Variants in ZNF280D observed in about 807,000 individuals in gnomAD.
ZNF280D encodes zinc finger protein 280D, also known as suppressor of hairy wing homolog 4.
ZNF280D carries 39 observed loss-of-function variants against 94.7 expected under a neutral mutation model. That is an observed-to-expected ratio of 0.41 (90% CI 0.32 to 0.54). The LOEUF (loss-of-function observed/expected upper bound fraction) is 0.54. Among genes scored for constraint, ZNF280D ranks in the 20% least tolerant of loss-of-function variants. The pLI is 0.22. For missense variants in ZNF280D, 1,090 were observed against 1,149.3 expected, an observed-to-expected ratio of 0.95 and a Z score of 0.75; for synonymous variants, 398 against 377.6, an observed-to-expected ratio of 1.05 and a Z score of -0.63.
intron 17 of ZNF280D, among the ~76,000 whole-genome samples, chr15:56,657,222 C>G (rs2053607345): frequency 6.6e-6 from 1 of 151,902 alleles, no homozygotes; most frequent in Non-Finnish European, 1.5e-5. Context: ...TGTGGTATAA[C>G]CAAAGATAAC....
intron 16 of ZNF280D, among the ~76,000 whole-genome samples, chr15:56,663,584 T>C (rs542847817): frequency 1.3e-5 from 2 of 152,116 alleles, no homozygotes; most frequent in South Asian, 4.2e-4. Flanking sequence ...ACCACTGAGG[T>C]TGAGAAAAAG....
intron 20 of ZNF280D, among the ~76,000 whole-genome samples, chr15:56,639,405 T>G (rs1240822226): frequency 6.6e-6 from 1 of 150,814 alleles, no homozygotes. Flanking sequence ...ACCACAGAAA[T>G]GAAACAAGAA....
intron 6 of ZNF280D, chr15:56,700,647 T>C (rs2057007225): frequency 7.3e-7 from 1 of 1,366,358 alleles, no homozygotes; most frequent in Admixed American, 3.4e-5. Context: ...TTATGCAATA[T>C]TTATGGCTGA....
rs1440690933 is a variant in ZNF280D at position 56,715,846 on chromosome 15, CCA to C, written c.-85-8542_-85-8541del. Among the ~76,000 whole-genome samples the C allele has an allele frequency of 2.6e-5, 4 of 152,182 alleles. No individual in the cohort carries two copies. In the East Asian group the frequency reaches 5.8e-4, roughly 22 times the overall value. ...GCCCTCCCTATCCGTGGTTCCACAA[CCA>C]CAGATTCAACCAACCATGGACTGAA... On this transcript the variant is annotated intron_variant, in intron 1 of 21. Transcript: ENST00000267807.
intron 1 of ZNF280D, among the ~76,000 whole-genome samples, chr15:56,713,944 C>T (rs1015434458): frequency 6.6e-6 from 1 of 151,590 alleles, no homozygotes. Context: ...AAATCATAAG[C>T]GATAAACAAT....
chr15:56,722,467 T>C (rs1376933855), intron 1 of ZNF280D, among the ~76,000 whole-genome samples: 2 of 152,212 alleles, frequency 1.3e-5, no homozygotes, highest in East Asian at 1.9e-4. Flanking sequence ...TGAAAAATTA[T>C]GTCTACAGCA....
intron 19 of ZNF280D, chr15:56,653,255 T>TC (rs1185872458): frequency 2.6e-6 from 3 of 1,167,314 alleles, no homozygotes; most frequent in Non-Finnish European, 3.2e-6. Flanking sequence ...TGACTAAACT[T>TC]CAACTTGGAT....
intron 16 of ZNF280D, among the ~76,000 whole-genome samples, chr15:56,660,187 T>C (rs1375697944): frequency 6.6e-6 from 1 of 152,138 alleles, no homozygotes; most frequent in African/African-American, 2.4e-5. Flanking sequence ...CTCAGAGAAA[T>C]AAGTCCAAGA....
chr15:56,699,617 G>C, intron 6 of ZNF280D: 4 of 866,912 alleles, frequency 4.6e-6, no homozygotes, highest in Non-Finnish European at 5.5e-6. Flanking sequence ...TTTCTTTTCT[G>C]GAGTGATATT....
At chr15:56,683,825 G>C (rs1394089596) in intron 9 of ZNF280D, among the ~76,000 whole-genome samples, 1 of 152,006 alleles carries the variant, frequency 6.6e-6, no homozygotes, top group Non-Finnish European at 1.5e-5. Flanking sequence ...TGAAACTAAG[G>C]GTCAGATAAA....
intron 6 of ZNF280D, among the ~76,000 whole-genome samples, chr15:56,693,734 A>G (rs1212255283): frequency 6.6e-6 from 1 of 152,190 alleles, no homozygotes; most frequent in Non-Finnish European, 1.5e-5. Flanking sequence ...CACATCTGAG[A>G]TATCAGGGCA....
intron 9 of ZNF280D, among the ~76,000 whole-genome samples, chr15:56,687,610 ATGTGAC>A (rs2056115884): frequency 6.6e-6 from 1 of 152,214 alleles, no homozygotes; most frequent in Non-Finnish European, 1.5e-5. Flanking sequence ...ATTTTGAATC[ATGTGAC>A]TGTATTGCTA....
In ZNF280D at chr15:56,689,096, C is replaced by T; in HGVS notation, c.725G>A (p.Cys242Tyr). The T allele has an allele frequency of 1.2e-6, 2 of 1,611,060 alleles. No homozygotes were observed. Among genetic ancestry groups the T allele is most frequent in the Non-Finnish European group, 1.7e-6 (2 of 1,178,844 alleles). Residue 242 changes from cysteine (C) to tyrosine (Y), a missense_variant, in exon 9 of 22, where the codon TGT becomes TAT. Coordinates refer to ENST00000267807, the MANE Select transcript of ZNF280D (RefSeq NM_017661.4). ...ATTGAAATGAATGTTGCACTTTGGA[C>T]AAGCTCTTGGAAAAGGTGTTCCATT... ...SKNGTPFPRA[C>Y]PKCNIHFNLL...
rs1271194176 is a variant in ZNF280D at position 56,668,966 on chromosome 15, A to G, written c.1411-9T>C. On this transcript the variant is annotated splice_polypyrimidine_tract_variant and intron_variant, in intron 13 of 21. Transcript: ENST00000267807. ...CGATGTATTCCTTTTTTCTGTTTAG[A>G]AAAAAACAGAAAAAGGGGGAAAAAT... The G allele has an allele frequency of 2.5e-6, 4 of 1,596,762 alleles. No homozygotes were observed. The African/African-American group carries it at 5.4e-5, about 22-fold the overall frequency.
chr15:56,661,684 G>A (rs553415183), intron 16 of ZNF280D, among the ~76,000 whole-genome samples: 31 of 151,816 alleles, frequency 2.0e-4, no homozygotes, highest in South Asian at 1.0e-3. Context: ...TACCTCCTCC[G>A]TACTTTCATA....
At chr15:56,672,998 AACAAATTC>A (rs1204742895) in intron 13 of ZNF280D, among the ~76,000 whole-genome samples, 1 of 151,920 alleles carries the variant, frequency 6.6e-6, no homozygotes, top group African/African-American at 2.4e-5. Context: ...AGGCAATTTA[AACAAATTC>A]ACTTATATGT....
chr15:56,642,014 G>T (rs2052653446), intron 20 of ZNF280D, among the ~76,000 whole-genome samples: 1 of 151,282 alleles, frequency 6.6e-6, no homozygotes, highest in Admixed American at 6.6e-5. Context: ...GAATGAGAGG[G>T]GATATCACTG....
chr15:56,700,406 G>A, intron 6 of ZNF280D: 2 of 618,406 alleles, frequency 3.2e-6, no homozygotes, highest in South Asian at 1.4e-4. Flanking sequence ...ATAGCATTTA[G>A]CACAAACACT....
At chr15:56,733,251 C>T (rs2058991428) in intron 1 of ZNF280D, among the ~76,000 whole-genome samples, 1 of 152,074 alleles carries the variant, frequency 6.6e-6, no homozygotes. Flanking sequence ...CGCCGGGATA[C>T]CTCCTCCCCC....
Sources: gnomAD v4.1 joint callset for allele counts (sites outside exome capture counted in the v4.1 genomes callset) on GRCh38, gnomAD v4.1.1 for gene constraint, MANE v1.5 for transcripts, NCBI Gene and HGNC (gene_info 2026-07-23, HGNC 2026-07-21) for gene names.